Variants in ORC1 observed in about 807,000 individuals in gnomAD.
ORC1 encodes origin recognition complex, subunit 1 homolog.
ORC1 carries 61 observed loss-of-function variants against 98.9 expected under a neutral mutation model. That is an observed-to-expected ratio of 0.62 (90% confidence interval 0.50 to 0.76). The LOEUF (loss-of-function observed/expected upper bound fraction) is 0.76, where lower values mean the gene tolerates loss of function less well. ORC1 is among the 30% of genes least tolerant of loss of function. The pLI, the probability that ORC1 is intolerant of heterozygous loss-of-function variation, is 0.00. For synonymous variants in ORC1, 385 were observed against 406.9 expected (o/e 0.95, Z 0.65); for missense variants, 979 against 1,072.2 (o/e 0.91, Z 1.21).
intron 14 of ORC1, among the ~76,000 whole-genome samples, chr1:52,376,242 C>T (rs1192791378): frequency 6.6e-6 from 1 of 152,100 alleles, no homozygotes; most frequent in Admixed American, 6.6e-5. Flanking sequence ...GTCTGGGGCG[C>T]GGTGGGTCAC....
upstream of ORC1, among the ~76,000 whole-genome samples, chr1:52,407,393 A>G (rs1648027783): frequency 1.3e-5 from 2 of 152,100 alleles, no homozygotes; most frequent in South Asian, 2.1e-4. Flanking sequence ...TCTGTGCTAT[A>G]CTTAGCACTT....
chr1:52,384,792 G>T, intron 10 of ORC1, 71 bp from the exon 11 acceptor site: 1 of 1,351,344 alleles, frequency 7.4e-7, no homozygotes. Context: ...AGTTAGGAGT[G>T]TGGGAATGTA....
At chr1:52,404,646 A>G, upstream of ORC1, 3 of 1,316,846 alleles carry the variant, frequency 2.3e-6, no homozygotes, top group South Asian at 2.8e-5. Context: ...TAAGCTGTTT[A>G]GTGAAACTTC....
upstream of ORC1, chr1:52,404,822 A>C: frequency 6.2e-7 from 1 of 1,614,252 alleles, no homozygotes; most frequent in South Asian, 1.1e-5. Context: ...GGAGAAGATC[A>C]TTCGAACGCG....
chr1:52,404,578 C>A, upstream of ORC1: 1 of 593,926 alleles, frequency 1.7e-6, no homozygotes, highest in Non-Finnish European at 2.9e-6. Flanking sequence ...ATTCGATAGG[C>A]GACGCGGGGA....
intron 8 of ORC1, among the ~76,000 whole-genome samples, chr1:52,386,788 A>C: frequency 6.6e-6 from 1 of 152,100 alleles, no homozygotes; most frequent in East Asian, 1.9e-4. Context: ...ACAGAGGTGA[A>C]AGCCCCCTCT....
At chr1:52,384,749 G>A in intron 10 of ORC1, 28 bp from the exon 11 acceptor site, 1 of 1,596,704 alleles carries the variant, frequency 6.3e-7, no homozygotes, top group Non-Finnish European at 8.5e-7. Context: ...AACCCGTGGG[G>A]TAGGTCTCAG....
chr1:52,389,431 T>A lies in ORC1; in HGVS notation c.1083-110A>T. 7 of 757,876 alleles carry A rather than the reference T, an allele frequency of 9.2e-6. No homozygotes were observed. The South Asian group carries it at 1.0e-4, about 11-fold the overall frequency. 46.9% of individuals were successfully genotyped at this position (757,876 alleles called of 1,614,324 possible). A position where few individuals can be genotyped will look rare whatever the true frequency, so the allele number is the denominator to read the frequency against. ...GATTGGCTCCCAGTCTTTTTATATATACTTTGAAAAGAGTAAAACTTTCTT... is the reference window on the plus strand; with the variant it reads ...GATTGGCTCCCAGTCTTTTTATATAAACTTTGAAAAGAGTAAAACTTTCTT... On this transcript the variant is annotated intron_variant, in intron 6 of 16. Transcript: ENST00000371568.
intron 14 of ORC1, among the ~76,000 whole-genome samples, 172 bp from the exon 15 acceptor site, chr1:52,375,771 T>C (rs1646988370): frequency 6.6e-6 from 1 of 152,224 alleles, no homozygotes; most frequent in Admixed American, 6.5e-5. Context: ...TCTAATCCTC[T>C]AGTCCAAACC....
upstream of ORC1, chr1:52,408,412 G>A: frequency 2.2e-6 from 2 of 928,114 alleles, no homozygotes. Flanking sequence ...CCATATTTTA[G>A]CTGTCTTTCT....
rs765212255 is a variant in ORC1 at position 52,403,089 on chromosome 1, G to C, written c.-5-861C>G. Among the ~76,000 whole-genome samples the C allele has an allele frequency of 2.6e-5, 4 of 152,206 alleles. No individual in the cohort carries two copies. In the Middle Eastern group the frequency reaches 0.014, roughly 518 times the overall value. On this transcript the variant is annotated intron_variant, in intron 1 of 16. Coordinates refer to ENST00000371568, the MANE Select transcript of ORC1 (RefSeq NM_004153.4). ...AATATGTAACTGAGAGCTTGCTTTT[G>C]GTGTACTTATTACAATAAATCAGGC... is the stretch of plus-strand genomic sequence containing the variant.
chr1:52,406,891 G>A (rs1386640030), upstream of ORC1, among the ~76,000 whole-genome samples: 2 of 152,182 alleles, frequency 1.3e-5, no homozygotes, highest in Non-Finnish European at 2.9e-5. Context: ...GGCAAATCTG[G>A]CTTCAGAGTT....
chr1:52,378,275 G>A (rs1647019706), intron 14 of ORC1, among the ~76,000 whole-genome samples: 1 of 151,648 alleles, frequency 6.6e-6, no homozygotes, highest in Non-Finnish European at 1.5e-5. Context: ...AACCCACGAG[G>A]CAGAGGTTGC....
rs1447267673 is a variant in ORC1 at position 52,383,875 on chromosome 1, G to A, written c.1818C>T (p.Cys606=). ...HAAELLAKQF[C]TRGSPQETTV... is the part of the protein sequence containing the mutation. ...TGGTTTCCTGAGGTGACCCTCGGGT[G>A]CAGAATTGCTTTGCCAGCAGTTCTG... The change falls in exon 12 of 17, where the codon TGC becomes TGT. Residue 606 remains cysteine, a synonymous_variant. Coordinates refer to ENST00000371568, the MANE Select transcript of ORC1 (RefSeq NM_004153.4). The A allele has an allele frequency of 1.9e-6, 3 of 1,614,064 alleles. No individual in the cohort carries two copies. Among genetic ancestry groups the A allele is most frequent in the African/African-American group, 2.7e-5 (2 of 74,918 alleles).
At chr1:52,402,091 C>A (rs1484978262) in intron 2 of ORC1, 38 bp downstream of exon 2, 3 of 1,428,062 alleles carry the variant, frequency 2.1e-6, no homozygotes, top group African/African-American at 1.4e-5. Context: ...GCTTGAGAAG[C>A]TGTATTTCCA....
At chr1:52,396,016 T>C in intron 5 of ORC1, 30 bp downstream of exon 5, 1 of 1,614,166 alleles carries the variant, frequency 6.2e-7, no homozygotes, top group African/African-American at 1.3e-5. Context: ...AGCCCCAGTA[T>C]TGCCCACGGT....
intron 8 of ORC1, among the ~76,000 whole-genome samples, chr1:52,386,234 A>G (rs980305937): frequency 6.6e-6 from 1 of 152,252 alleles, no homozygotes; most frequent in Non-Finnish European, 1.5e-5. Flanking sequence ...AATACTATTT[A>G]AAAGTAAAAT....
intron 6 of ORC1, among the ~76,000 whole-genome samples, chr1:52,392,496 G>A (rs1178490506): frequency 6.6e-6 from 1 of 152,084 alleles, no homozygotes; most frequent in African/African-American, 2.4e-5. Flanking sequence ...AAAACAGTGT[G>A]GAGACTCCTT....
chr1:52,387,597 A>G (rs1647160066), intron 8 of ORC1, among the ~76,000 whole-genome samples: 1 of 152,126 alleles, frequency 6.6e-6, no homozygotes, highest in Non-Finnish European at 1.5e-5. Context: ...AGCTGGGATT[A>G]CAGGCACCTG....
Sources: allele counts gnomAD v4.1 joint callset (sites outside exome capture counted in the v4.1 genomes callset), GRCh38; gene constraint gnomAD v4.1.1; transcripts MANE v1.5; gene names NCBI Gene and HGNC (gene_info 2026-07-23, HGNC 2026-07-21).